Variants in NIT2 observed in about 807,000 individuals in gnomAD.
The protein encoded by NIT2 is nitrilase family member 2, also known as omega-amidase NIT2.
A neutral mutation model predicts 42.7 loss-of-function variants in NIT2; 46 were observed. The observed-to-expected ratio is 1.08, with a 90% CI of 0.85 to 1.38. The LOEUF is 1.38. Among genes scored for constraint, NIT2 ranks in the 40% most tolerant of loss-of-function variants. NIT2 has a pLI of 0.00. For missense variants in NIT2, 309 were observed against 342.5 expected (o/e 0.90, Z 0.77); for synonymous variants, 123 against 121.9 (o/e 1.01, Z -0.06).
At chr3:100,335,568 C>T (rs1445154069) in intron 1 of NIT2, among the ~76,000 whole-genome samples, 1 of 152,200 alleles carries the variant, frequency 6.6e-6, no homozygotes, top group East Asian at 1.9e-4. Flanking sequence ...GGTTTCCCTG[C>T]TGCAGCATGT....
chr3:100,355,128 T>TA (rs746206354), intron 9 of NIT2, 49 bp from the exon 10 acceptor site: 44 of 1,345,614 alleles, frequency 3.3e-5, no homozygotes, highest in Non-Finnish European at 4.4e-5. Flanking sequence ...TCCCCTTGGT[T>TA]AGTGAGGAGT....
At chr3:100,334,905 C>T in intron 1 of NIT2, 107 bp downstream of exon 1, 1 of 1,086,984 alleles carries the variant, frequency 9.2e-7, no homozygotes, top group African/African-American at 1.7e-5. Flanking sequence ...CCCGCGTCCC[C>T]GCCGTGCGCG....
rs1424736067 is a variant in NIT2 at position 100,361,282 on chromosome 3, A to AAAAC, written c.*6017_*6020dup. 1 of 147,458 alleles carries AAAAC rather than the reference A, an allele frequency of 6.8e-6. No homozygotes were observed. Among genetic ancestry groups the AAAAC allele is most frequent in the Admixed American group, 6.8e-5 (1 of 14,666 alleles). The allele number at this position is 147,458 out of a possible 1,614,324, so 9.1% of individuals were successfully genotyped here. ...TCTTGCTTTAAACCTTTCGCCCTCT[A>AAAAC]AAACAATGCCCAAGAGCCAATGTTA... On this transcript the variant is annotated 3_prime_UTR_variant, in exon 10 of 10. Transcript: ENST00000394140.
rs1377572518 is a variant in NIT2 at position 100,358,145 on chromosome 3, T to C, written c.*2877T>C. 2.0e-5 allele frequency: 3 copies of C among 152,224 alleles called. No homozygotes were observed. Among genetic ancestry groups the C allele is most frequent in the Admixed American group, 1.3e-4 (2 of 15,278 alleles). 9.4% of individuals were successfully genotyped at this position (152,224 alleles called of 1,614,324 possible). On this transcript the variant is annotated 3_prime_UTR_variant, in exon 10 of 10. Coordinates refer to ENST00000394140, the MANE Select transcript of NIT2 (RefSeq NM_020202.5). ...GTCCTTTTAGTGGTATATCAGGAGA[T>C]CTTGCCTTCTGGTACTCTTGAAAAA...
chr3:100,341,714 A>G (rs967666389), intron 4 of NIT2, among the ~76,000 whole-genome samples: 10 of 151,852 alleles, frequency 6.6e-5, no homozygotes, highest in African/African-American at 2.4e-4. Context: ...TATAGAGAAC[A>G]CTGTGGGAAG....
chr3:100,345,924 A>G, intron 5 of NIT2: 1 of 593,222 alleles, frequency 1.7e-6, no homozygotes, highest in Non-Finnish European at 3.0e-6. Flanking sequence ...CTATTAGGCT[A>G]CAGTTGAGTA....
Position 100,339,187 on chromosome 3 carries a change from CA to C in NIT2, c.112del (p.Ile38Ter). 1 of 1,611,720 alleles carries C rather than the reference CA, an allele frequency of 6.2e-7. No individual in the cohort carries two copies. Among genetic ancestry groups the C allele is most frequent in the Non-Finnish European group, 8.5e-7 (1 of 1,177,938 alleles). The stretch of plus-strand genomic sequence containing the variant: ...TCCGGGAGGCAGCAACGCAAGGAGC[CA>C]AAATAGTTTCTTTGCCGGTCAGTAT... ...FIREAATQGA[K>X]IVSLPECFNS... On this transcript the variant is annotated frameshift_variant, in exon 2 of 10. Transcript: ENST00000394140. LOFTEE classifies it high-confidence loss of function.
intron 8 of NIT2, among the ~76,000 whole-genome samples, chr3:100,353,153 A>G (rs1364166466): frequency 6.6e-6 from 1 of 152,230 alleles, no homozygotes; most frequent in Non-Finnish European, 1.5e-5. Context: ...TATAGATGGT[A>G]GAATTACAGA....
chr3:100,354,411 G>T (rs1013524709), intron 8 of NIT2, among the ~76,000 whole-genome samples: 48 of 152,200 alleles, frequency 3.2e-4, no homozygotes, highest in Admixed American at 1.2e-3. Flanking sequence ...ATGCACTCAT[G>T]AGGGCATGAG....
At chr3:100,339,239 C>G (rs1706117811) in intron 2 of NIT2, 34 bp downstream of exon 2, 1 of 1,314,862 alleles carries the variant, frequency 7.6e-7, no homozygotes, top group South Asian at 1.2e-5. Flanking sequence ...GTTCTAGCCA[C>G]TGTACACCCA....
chr3:100,337,529 C>G (rs756430469), intron 1 of NIT2, among the ~76,000 whole-genome samples: 5 of 152,206 alleles, frequency 3.3e-5, no homozygotes, highest in Non-Finnish European at 7.3e-5. Flanking sequence ...TCTTGGCTCA[C>G]TGTAACCTCC....
chr3:100,341,102 T>C lies in NIT2; in HGVS notation c.277T>C (p.Leu93=), dbSNP rs1208215652. 2.5e-6 allele frequency: 4 copies of C among 1,613,556 alleles called. No individual in the cohort carries two copies. Among genetic ancestry groups the C allele is most frequent in the Non-Finnish European group, 3.4e-6 (4 of 1,179,498 alleles). The change falls in exon 4 of 10, where the codon TTA becomes CTA. Residue 93 remains leucine (L), a synonymous_variant. Coordinates refer to ENST00000394140, the MANE Select transcript of NIT2 (RefSeq NM_020202.5). ...GSIPEEDAGK[L]YNTCAVFGPD... ...TATCCCTGAAGAGGATGCTGGGAAA[T>C]TATATAACACCTGTGCTGTGTTTGG...
chr3:100,356,702 C>T lies in NIT2; in HGVS notation c.*1434C>T, dbSNP rs1706328210. 6.6e-6 allele frequency: 1 copy of T among 152,196 alleles called. No homozygotes were observed. Among genetic ancestry groups the T allele is most frequent in the Non-Finnish European group, 1.5e-5 (1 of 68,026 alleles). The allele number at this position is 152,196 out of a possible 1,614,324, so 9.4% of individuals were successfully genotyped here. A position where few individuals can be genotyped will look rare whatever the true frequency, so the allele number is the denominator to read the frequency against. On this transcript the variant is annotated 3_prime_UTR_variant, in exon 10 of 10. Coordinates refer to ENST00000394140, the MANE Select transcript of NIT2 (RefSeq NM_020202.5). The stretch of plus-strand genomic sequence containing the variant: ...AAGTGTGCAATTTGGTAAACTTTGA[C>T]ATATACAGCTATAAACCACTCCAAT...
chr3:100,342,626 AC>A (rs1261986672), intron 4 of NIT2, among the ~76,000 whole-genome samples: 1 of 151,856 alleles, frequency 6.6e-6, no homozygotes, highest in Non-Finnish European at 1.5e-5. Flanking sequence ...AAATTTAAGA[AC>A]CTTATAATGA....
chr3:100,335,742 G>T (rs1400036066), intron 1 of NIT2, among the ~76,000 whole-genome samples: 1 of 152,210 alleles, frequency 6.6e-6, no homozygotes, highest in Admixed American at 6.5e-5. Flanking sequence ...CGTGGCTCAC[G>T]CCTGTAATCC....
At chr3:100,348,976 T>C in intron 7 of NIT2, 95 bp downstream of exon 7, 1 of 1,021,006 alleles carries the variant, frequency 9.8e-7, no homozygotes, top group Non-Finnish European at 1.5e-6. Context: ...TGATGTGGAT[T>C]CTGTCCCTGA....
At chr3:100,343,998 G>A (rs1408069283) in intron 4 of NIT2, among the ~76,000 whole-genome samples, 1 of 152,070 alleles carries the variant, frequency 6.6e-6, no homozygotes, top group African/African-American at 2.4e-5. Flanking sequence ...TGAAACGTGG[G>A]CAGCAACTTT....
intron 9 of NIT2, 52 bp from the exon 10 acceptor site, chr3:100,355,125 G>T: frequency 7.6e-7 from 1 of 1,319,522 alleles, no homozygotes; most frequent in Non-Finnish European, 1.1e-6. Context: ...AAATCCCCTT[G>T]GTTAGTGAGG....
chr3:100,358,277 T>C lies in NIT2; in HGVS notation c.*3009T>C, dbSNP rs923483990. Reference sequence around the variant, plus strand: ...CCCTGGATTTTACCTTTTTGCAAAGTGATATCCGAATAAAATGAACACTAG... The same window carrying C: ...CCCTGGATTTTACCTTTTTGCAAAGCGATATCCGAATAAAATGAACACTAG... On this transcript the variant is annotated 3_prime_UTR_variant, in exon 10 of 10. Transcript: ENST00000394140. The C allele has an allele frequency of 2.0e-5, 3 of 152,188 alleles. No homozygotes were observed. Among genetic ancestry groups the C allele is most frequent in the Non-Finnish European group, 4.4e-5 (3 of 68,032 alleles). The allele number at this position is 152,188 out of a possible 1,614,324, so 9.4% of individuals were successfully genotyped here. A position where few individuals can be genotyped will look rare whatever the true frequency, so the allele number is the denominator to read the frequency against.
Sources: allele counts gnomAD v4.1 joint callset (sites outside exome capture counted in the v4.1 genomes callset), GRCh38; gene constraint gnomAD v4.1.1; transcripts MANE v1.5; gene names NCBI Gene and HGNC (gene_info 2026-07-23, HGNC 2026-07-21).